The following ERCC5 variants were observed in gnomAD, a reference collection of about 807,000 sequenced individuals.
ERCC5 encodes ERCC excision repair 5, endonuclease, also known as DNA excision repair protein ERCC-5.
ERCC5 carries 68 observed loss-of-function variants against 105.6 expected under a neutral mutation model. That is an observed-to-expected ratio of 0.64 (90% CI 0.53 to 0.79). ERCC5 has a LOEUF of 0.79. Ranked by LOEUF, ERCC5 falls within the 30% of genes least tolerant of loss-of-function variation. ERCC5 has a pLI of 0.00. For missense variants in ERCC5, 1,373 were observed against 1,426.7 expected, an observed-to-expected ratio of 0.96 and a Z score of 0.61; for synonymous variants, 546 against 526.2, an observed-to-expected ratio of 1.04 and a Z score of -0.51.
chr13:102,859,784 A>T (rs557107777), intron 6 of ERCC5, among the ~76,000 whole-genome samples: 15 of 152,312 alleles, frequency 9.8e-5, no homozygotes, highest in African/African-American at 3.6e-4. Flanking sequence ...TGTAATATTG[A>T]TAATAGTAGT....
At chr13:102,875,107 A>G (rs1475821187) in intron 14 of ERCC5, among the ~76,000 whole-genome samples, 200 bp from the exon 15 acceptor site, 1 of 152,214 alleles carries the variant, frequency 6.6e-6, no homozygotes, top group Admixed American at 6.5e-5. Flanking sequence ...TGGTACAAGT[A>G]CTGCTTTAGG....
At position 102,852,243 on chromosome 13, in the gene ERCC5, C is replaced by T. The variant is rs762627583; in HGVS notation, c.214C>T (p.Pro72Ser). ...LCKLLFFRIR[P>S]IFVFDGDAPL... ...CAAACTCTTATTTTTTCGAATTCGT[C>T]CTATTTTTGTGTTTGATGGGGATGC... The change falls in exon 2 of 15, where the codon CCT becomes TCT. Residue 72 changes from proline to serine, a missense_variant. By Grantham distance (74) the Pro-to-Ser change is moderately conservative. Transcript: ENST00000652225. 4 of 1,613,902 alleles carry T rather than the reference C, an allele frequency of 2.5e-6. No homozygotes were observed. In the Admixed American group the frequency reaches 5.0e-5, roughly 20 times the overall value.
intron 12 of ERCC5, among the ~76,000 whole-genome samples, chr13:102,869,460 T>C (rs367857470): frequency 3.0e-5 from 4 of 132,570 alleles, no homozygotes; most frequent in African/African-American, 1.1e-4. Context: ...ACTTCACACA[T>C]ATATATGCAT....
Position 102,861,690 on chromosome 13 carries a change from A to G in ERCC5, c.856A>G (p.Thr286Ala), listed in dbSNP as rs1318670402. 1 of 1,614,182 alleles carries G rather than the reference A, an allele frequency of 6.2e-7. No homozygotes were observed. The highest frequency in any genetic ancestry group is 1.1e-5 in the South Asian group (1 of 91,086). The stretch of plus-strand genomic sequence containing the variant: ...GTCAAGGAGAGTGGTCTCTGAAGAC[A>G]CTTCACATTACATCTTGATAAAAGG... ...VESRRVVSEDTSHYILIKGIQ... is the reference protein window; with the variant it reads ...VESRRVVSEDASHYILIKGIQ... The change falls in exon 7 of 15, where the codon ACT becomes GCT. Residue 286 changes from threonine to alanine, a missense_variant. By Grantham distance (58) the Thr-to-Ala change is moderately conservative (BLOSUM62 0). This residue lies in a region of ERCC5 where 1,004 missense variants were observed against 1,059.7 expected (regional missense o/e 0.95). Coordinates refer to ENST00000652225, the MANE Select transcript of ERCC5 (RefSeq NM_000123.4).
chr13:102,852,113 C>G lies in ERCC5; in HGVS notation c.89-5C>G, dbSNP rs1488191454. ...CGGAGTTTTTTCCATTAACAATTCT[C>G]CCAGATATTAGCATTTGGTTAAACC... On this transcript the variant is annotated splice_polypyrimidine_tract_variant and splice_region_variant and intron_variant, in intron 1 of 14. Coordinates refer to ENST00000652225, the MANE Select transcript of ERCC5 (RefSeq NM_000123.4). The G allele has an allele frequency of 6.2e-7, 1 of 1,613,898 alleles. No individual in the cohort carries two copies.
At chr13:102,864,220 T>C (rs1882753898) in intron 8 of ERCC5, among the ~76,000 whole-genome samples, 1 of 152,022 alleles carries the variant, frequency 6.6e-6, no homozygotes. Context: ...TATTTCCCTT[T>C]TGTAATTAAT....
intron 6 of ERCC5, among the ~76,000 whole-genome samples, chr13:102,860,618 T>C (rs915189262): frequency 6.6e-6 from 1 of 152,216 alleles, no homozygotes; most frequent in African/African-American, 2.4e-5. Context: ...CTACCACTTA[T>C]TAGCCCTGTG....
chr13:102,855,922 A>G, intron 4 of ERCC5, 130 bp from the exon 5 acceptor site: 1 of 859,582 alleles, frequency 1.2e-6, no homozygotes. Flanking sequence ...CCATGAGACC[A>G]GTAGTGGCAC....
rs564403405 is a variant in ERCC5, at chr13:102,872,901, T to G, written c.2880-358T>G. ...TTAAGTAATCATTTGGATAGATGTT[T>G]CAAAACTTGCACTAGAATTAATCCA... On this transcript the variant is annotated intron_variant, in intron 13 of 14. Coordinates refer to ENST00000652225, the MANE Select transcript of ERCC5 (RefSeq NM_000123.4). Among the ~76,000 whole-genome samples the G allele has an allele frequency of 5.2e-5, 8 of 152,388 alleles. No homozygotes were observed. In the South Asian group the frequency reaches 1.2e-3, roughly 24 times the overall value.
At chr13:102,861,884 T>A in intron 7 of ERCC5, 146 bp from the exon 8 acceptor site, 1 of 1,353,090 alleles carries the variant, frequency 7.4e-7, no homozygotes, top group Non-Finnish European at 1.0e-6. Context: ...ACTTTAAAAT[T>A]AGCTAATGAA....
chr13:102,873,196 C>A, intron 13 of ERCC5, 63 bp from the exon 14 acceptor site: 1 of 1,603,504 alleles, frequency 6.2e-7, no homozygotes, highest in Non-Finnish European at 8.5e-7. Flanking sequence ...GTTCTTTGGA[C>A]CTTTTTATTT....
intron 6 of ERCC5, among the ~76,000 whole-genome samples, chr13:102,860,745 A>G (rs1266227884): frequency 2.6e-5 from 4 of 152,200 alleles, no homozygotes; most frequent in African/African-American, 9.7e-5. Context: ...ATGTAAAAGC[A>G]CTTAGAAAAA....
intron 8 of ERCC5, among the ~76,000 whole-genome samples, chr13:102,864,165 C>CACACACACAA (rs1491404558): frequency 6.8e-6 from 1 of 146,660 alleles, no homozygotes; most frequent in African/African-American, 2.5e-5. Context: ...CACACACACA[C>CACACACACAA]AATTTGTTCC....
intron 4 of ERCC5, among the ~76,000 whole-genome samples, chr13:102,854,931 G>A (rs1423145685): frequency 6.6e-6 from 1 of 152,156 alleles, no homozygotes; most frequent in African/African-American, 2.4e-5. Context: ...TGAAGTGAAG[G>A]TGGAGAACCG....
intron 1 of ERCC5, among the ~76,000 whole-genome samples, chr13:102,850,291 C>T (rs753222290): frequency 4.6e-5 from 7 of 151,902 alleles, no homozygotes; most frequent in South Asian, 2.1e-4. Flanking sequence ...AGGAGGGGAC[C>T]CCTGGACTGA....
In ERCC5 at chr13:102,852,336, T is replaced by G. The variant is rs772731887; in HGVS notation, c.264+43T>G. The G allele has an allele frequency of 1.9e-6, 3 of 1,601,050 alleles. No homozygotes were observed. In the African/African-American group the frequency reaches 4.0e-5, roughly 22 times the overall value. On this transcript the variant is annotated intron_variant, in intron 2 of 14. Coordinates refer to ENST00000652225, the MANE Select transcript of ERCC5 (RefSeq NM_000123.4). ...TTTAGTAAGTGTCAAATAATTTTTT[T>G]CTTTCTGCATTCTTAGAAAAATTCA...
intron 5 of ERCC5, among the ~76,000 whole-genome samples, chr13:102,857,603 AC>A (rs1566466406): frequency 6.8e-6 from 1 of 147,496 alleles, no homozygotes; most frequent in Non-Finnish European, 1.5e-5. Flanking sequence ...GAAAAGTTTT[AC>A]ACTTTTCCAT....
In ERCC5 at chr13:102,862,648, G is replaced by T; in HGVS notation, c.1499G>T (p.Arg500Leu). 1 of 1,614,160 alleles carries T rather than the reference G, an allele frequency of 6.2e-7. No homozygotes were observed. The change falls in exon 8 of 15, where the codon CGG (arginine) becomes CTG (leucine). Residue 500 changes from arginine (R) to leucine (L), a missense_variant. Around this residue, in one of 3 missense-constraint regions of ERCC5, gnomAD observed 1,004 missense variants for 1,059.7 expected, o/e 0.95. Transcript: ENST00000652225. ...TCTATGATTAAGGACAGAAAAGATC[G>T]GCTGCCTCTGGAGAGTGCAGTGGTT... ...DESMIKDRKD[R>L]LPLESAVVRH... is the part of the protein sequence containing the mutation.
rs554376959 is a variant in ERCC5 at position 102,864,807 on chromosome 13, G to A, written c.1955-860G>A. ...CAACAGTGCCAGGAAGTATATTTAT[G>A]TATACATATACATGCACACACACAT... On this transcript the variant is annotated intron_variant, in intron 8 of 14. Coordinates refer to ENST00000652225, the MANE Select transcript of ERCC5 (RefSeq NM_000123.4). 7 of 152,206 alleles carry A rather than the reference G, an allele frequency of 4.6e-5. No individual in the cohort carries two copies. In the South Asian group the frequency reaches 6.2e-4, roughly 14 times the overall value. The allele number at this position is 152,206 out of a possible 1,614,324, so 9.4% of individuals were successfully genotyped here. A position where few individuals can be genotyped will look rare whatever the true frequency, so the allele number is the denominator to read the frequency against.
Sources: gnomAD v4.1 joint callset for allele counts (sites outside exome capture counted in the v4.1 genomes callset) on GRCh38, gnomAD v4.1.1 for gene constraint, gnomAD v4.1.1 regional missense constraint, MANE v1.5 for transcripts, NCBI Gene and HGNC (gene_info 2026-07-23, HGNC 2026-07-21) for gene names.